CDH8: variants seen among roughly 807,000 people sequenced by gnomAD.
CDH8 encodes the protein cadherin 8, also known as cadherin-8.
CDH8 carries 17 observed loss-of-function variants against 68.1 expected under a neutral mutation model. The observed-to-expected ratio is 0.25, with a 90% confidence interval of 0.17 to 0.37. The LOEUF (loss-of-function observed/expected upper bound fraction) is 0.37. Among genes scored for constraint, CDH8 ranks in the 10% least tolerant of loss-of-function variants. The probability of loss-of-function intolerance (pLI) is 1.00; values close to 1 mark genes in which losing one functional copy is unlikely to be tolerated. For missense variants in CDH8, 763 were observed against 999.3 expected, an observed-to-expected ratio of 0.76 and a Z score of 3.19; for synonymous variants, 372 against 365.1, an observed-to-expected ratio of 1.02 and a Z score of -0.21.
At chr16:61,768,379 T>TCC (rs1960679042) in intron 8 of CDH8, among the ~76,000 whole-genome samples, 2 of 100,824 alleles carry the variant, frequency 2.0e-5, no homozygotes, top group Admixed American at 1.1e-4. Context: ...CCTTTCTCTC[T>TCC]CTCTCTCTCT....
chr16:61,665,878 T>C (rs1011250239), intron 10 of CDH8, among the ~76,000 whole-genome samples: 1 of 142,648 alleles, frequency 7.0e-6, no homozygotes, highest in East Asian at 2.5e-4. Flanking sequence ...CTTTCCTTTC[T>C]TTTATTTCTT....
At chr16:61,993,867 A>AAT (rs1036789827) in intron 2 of CDH8, among the ~76,000 whole-genome samples, 17 of 152,076 alleles carry the variant, frequency 1.1e-4, no homozygotes, top group Non-Finnish European at 1.0e-4. Flanking sequence ...GCTAGTTCAT[A>AAT]ATATATATAT....
chr16:62,019,790 T>C (rs1415638155), intron 2 of CDH8, among the ~76,000 whole-genome samples: 1 of 152,130 alleles, frequency 6.6e-6, no homozygotes, highest in African/African-American at 2.4e-5. Flanking sequence ...CAAATGAACA[T>C]ATATATGCAT....
chr16:61,959,984 G>GTATATATATATATATATATATATA (rs1181394965), intron 2 of CDH8, among the ~76,000 whole-genome samples: 4 of 44,556 alleles, frequency 9.0e-5, no homozygotes, highest in Non-Finnish European at 1.6e-4. Flanking sequence ...GTGTGTGTGT[G>GTATATATATATATATATATATATA]TATATATATA....
chr16:61,695,057 G>A (rs144222646), intron 10 of CDH8, among the ~76,000 whole-genome samples: 3 of 152,094 alleles, frequency 2.0e-5, no homozygotes, highest in African/African-American at 7.2e-5. Flanking sequence ...GGGATTATAG[G>A]CATGAGCCAC....
chr16:61,981,673 T>TGC (rs1267544431), intron 2 of CDH8, among the ~76,000 whole-genome samples: 9 of 151,344 alleles, frequency 5.9e-5, no homozygotes, highest in African/African-American at 2.2e-4. Context: ...TGTGTGTGTG[T>TGC]GTGTGTGTGC....
chr16:61,848,142 AGG>A (rs1962851859), intron 4 of CDH8, among the ~76,000 whole-genome samples: 1 of 152,120 alleles, frequency 6.6e-6, no homozygotes. Flanking sequence ...TTAATTCTGA[AGG>A]GACATGATAC....
intron 2 of CDH8, among the ~76,000 whole-genome samples, chr16:61,903,811 T>G (rs1964020857): frequency 6.6e-6 from 1 of 152,226 alleles, no homozygotes; most frequent in Admixed American, 6.5e-5. Flanking sequence ...GAAGAGGCAC[T>G]ATTAAGTGAC....
At chr16:61,807,774 T>C (rs1476298409) in intron 7 of CDH8, among the ~76,000 whole-genome samples, 2 of 152,208 alleles carry the variant, frequency 1.3e-5, no homozygotes, top group African/African-American at 4.8e-5. Context: ...GTAGTACTCC[T>C]CTGATAAGCA....
intron 2 of CDH8, among the ~76,000 whole-genome samples, chr16:61,933,275 A>G (rs1189099206): frequency 6.6e-6 from 1 of 152,218 alleles, no homozygotes; most frequent in Non-Finnish European, 1.5e-5. Context: ...CAGTATGGTC[A>G]GGCAACAGAG....
At chr16:61,701,729 T>G (rs897635949) in intron 10 of CDH8, among the ~76,000 whole-genome samples, 1 of 152,204 alleles carries the variant, frequency 6.6e-6, no homozygotes, top group Non-Finnish European at 1.5e-5. Context: ...ATGGTTGATG[T>G]GCAATTTTTT....
In CDH8 at chr16:61,650,758, T is replaced by G. The variant is rs1275029590; in HGVS notation, c.*2850A>C. ...AAGAGAGAAAGAGAGAGATAGTTCC[T>G]GAGATTTTTAGTTTAATTCATGACA... On this transcript the variant is annotated 3_prime_UTR_variant, in exon 12 of 12. Transcript: ENST00000577390. The G allele has an allele frequency of 6.9e-6, 1 of 145,466 alleles. No homozygotes were observed. Among genetic ancestry groups the G allele is most frequent in the South Asian group, 2.1e-4 (1 of 4,680 alleles). 9.0% of individuals were successfully genotyped at this position (145,466 alleles called of 1,614,324 possible). A position where few individuals can be genotyped will look rare whatever the true frequency, so the allele number is the denominator to read the frequency against.
intron 3 of CDH8, among the ~76,000 whole-genome samples, chr16:61,871,206 G>A (rs1963354205): frequency 6.6e-6 from 1 of 151,690 alleles, no homozygotes; most frequent in African/African-American, 2.4e-5. Context: ...TTTTGAGACA[G>A]GATCTCACTC....
chr16:61,784,940 G>T (rs1404084158), intron 8 of CDH8, among the ~76,000 whole-genome samples: 1 of 151,784 alleles, frequency 6.6e-6, no homozygotes, highest in Non-Finnish European at 1.5e-5. Context: ...TCAAAGCAGT[G>T]TGTAGAGGGA....
intron 10 of CDH8, chr16:61,692,029 A>G (rs1379461551): frequency 6.6e-6 from 1 of 152,166 alleles, no homozygotes; most frequent in Non-Finnish European, 1.5e-5. Context: ...TTGGGTACCC[A>G]TATAATTTAT....
chr16:61,695,961 T>C (rs748071616), intron 10 of CDH8, among the ~76,000 whole-genome samples: 1 of 152,180 alleles, frequency 6.6e-6, no homozygotes, highest in East Asian at 1.9e-4. Flanking sequence ...TCAAATTTGA[T>C]AGCAGATCTT....
At chr16:61,858,252 T>A (rs1445272270) in intron 3 of CDH8, among the ~76,000 whole-genome samples, 1 of 152,118 alleles carries the variant, frequency 6.6e-6, no homozygotes, top group African/African-American at 2.4e-5. Context: ...ATCAGGAACA[T>A]TTTCTAACAG....
At chr16:61,944,903 G>A (rs1367228423) in intron 2 of CDH8, among the ~76,000 whole-genome samples, 1 of 152,068 alleles carries the variant, frequency 6.6e-6, no homozygotes, top group African/African-American at 2.4e-5. Flanking sequence ...AGTAAAAAGT[G>A]CATAGATATA....
rs1475743346 is a variant in CDH8 at position 61,647,920 on chromosome 16, A to G, written c.*5688T>C. On this transcript the variant is annotated 3_prime_UTR_variant, in exon 12 of 12. Coordinates refer to ENST00000577390, the MANE Select transcript of CDH8 (RefSeq NM_001796.5). ...ATAATAATAGAAATATCTATTATCTATTAGTAGGGATACTTGCAAGAAATA... is the reference window on the plus strand; with the variant it reads ...ATAATAATAGAAATATCTATTATCTGTTAGTAGGGATACTTGCAAGAAATA... The G allele has an allele frequency of 2.9e-6, 2 of 685,814 alleles. No homozygotes were observed. The highest frequency in any genetic ancestry group is 5.3e-6 in the Non-Finnish European group (2 of 377,746). The allele number at this position is 685,814 out of a possible 1,614,324, so 42.5% of individuals were successfully genotyped here.
Sources: allele counts gnomAD v4.1 joint callset (sites outside exome capture counted in the v4.1 genomes callset), GRCh38; gene constraint gnomAD v4.1.1; transcripts MANE v1.5; gene names NCBI Gene and HGNC (gene_info 2026-07-23, HGNC 2026-07-21).